Variants in DDC observed in about 807,000 individuals in gnomAD.
DDC encodes the protein aromatic-L-amino-acid decarboxylase.
In DDC, 43 loss-of-function variants were observed where a neutral mutation model predicts 60.0. The ratio of observed to expected loss-of-function variants is 0.72; its 90% CI spans 0.56 to 0.92. The LOEUF is 0.92. Among genes scored for constraint, DDC ranks in the 40% least tolerant of loss-of-function variants. The pLI, the probability that DDC is intolerant of heterozygous loss-of-function variation, is 0.00. For synonymous variants in DDC, 232 were observed against 234.6 expected, an observed-to-expected ratio of 0.99 and a Z score of 0.10; for missense variants, 573 against 620.2, an observed-to-expected ratio of 0.92 and a Z score of 0.81.
Position 50,510,236 on chromosome 7 carries a change from A to T in DDC, c.715-6177T>A, listed in dbSNP as rs554711074. Among the ~76,000 whole-genome samples the T allele has an allele frequency of 4.0e-4, 61 of 152,100 alleles. 1 individual carries two copies. Among genetic ancestry groups the T allele is most frequent in the Admixed American group, 2.3e-3 (35 of 15,282 alleles). Reference sequence around the variant, plus strand: ...ATGATCCGCCCACCTTGGCCTCCCAAAGTGCTGAGATTACAGGTGTGAGCC... The same window carrying T: ...ATGATCCGCCCACCTTGGCCTCCCATAGTGCTGAGATTACAGGTGTGAGCC... On this transcript the variant is annotated intron_variant, in intron 6 of 14. Transcript: ENST00000444124.
At chr7:50,495,711 G>A (rs751664241) in intron 8 of DDC, among the ~76,000 whole-genome samples, 1 of 152,052 alleles carries the variant, frequency 6.6e-6, no homozygotes, top group Non-Finnish European at 1.5e-5. Context: ...AATGGAACAA[G>A]AATTTTAAAA....
At chr7:50,476,998 A>T (rs1264518968) in intron 10 of DDC, among the ~76,000 whole-genome samples, 1 of 152,182 alleles carries the variant, frequency 6.6e-6, no homozygotes, top group Non-Finnish European at 1.5e-5. Context: ...TCATTCATGC[A>T]TGGGAAGGTG....
intron 9 of DDC, among the ~76,000 whole-genome samples, chr7:50,491,946 A>G (rs2043006021): frequency 6.6e-6 from 1 of 152,226 alleles, no homozygotes; most frequent in Non-Finnish European, 1.5e-5. Flanking sequence ...TAAGCTTAGC[A>G]AAATAAAACA....
chr7:50,506,897 C>T (rs1480657448), intron 6 of DDC, among the ~76,000 whole-genome samples: 2 of 152,240 alleles, frequency 1.3e-5, no homozygotes, highest in African/African-American at 2.4e-5. Flanking sequence ...ATCAATAATT[C>T]TCCGCATTTG....
intron 9 of DDC, among the ~76,000 whole-genome samples, chr7:50,493,757 G>A (rs1289562859): frequency 6.6e-6 from 1 of 151,726 alleles, no homozygotes; most frequent in African/African-American, 2.4e-5. Context: ...TGGGGAAAAA[G>A]ACTGACAAAA....
intron 11 of DDC, among the ~76,000 whole-genome samples, chr7:50,476,028 T>A (rs1199731834): frequency 6.6e-6 from 1 of 152,152 alleles, no homozygotes; most frequent in Admixed American, 6.5e-5. Context: ...GCCAGCTCAG[T>A]GGCCACACCT....
intron 1 of DDC, among the ~76,000 whole-genome samples, chr7:50,560,431 C>A (rs2045316139): frequency 6.6e-6 from 1 of 152,292 alleles, no homozygotes; most frequent in African/African-American, 2.4e-5. Flanking sequence ...ATAGAGCTCT[C>A]ATTTATTGAG....
chr7:50,469,617 T>A (rs1188491465), intron 12 of DDC, among the ~76,000 whole-genome samples: 1 of 152,144 alleles, frequency 6.6e-6, no homozygotes, highest in African/African-American at 2.4e-5. Flanking sequence ...ACTTAACAGA[T>A]CTTATAAATA....
At chr7:50,493,094 C>T (rs2043044408) in intron 9 of DDC, 3 of 1,070,374 alleles carry the variant, frequency 2.8e-6, no homozygotes, top group Admixed American at 3.9e-5. Flanking sequence ...TATTTCTGGT[C>T]CCTGACCGCT....
chr7:50,543,637 G>C (rs923565503), intron 2 of DDC, among the ~76,000 whole-genome samples: 9 of 152,210 alleles, frequency 5.9e-5, no homozygotes, highest in Non-Finnish European at 1.2e-4. Context: ...CTGGGGGAAA[G>C]AGCCTCACTG....
At chr7:50,493,262 C>G (rs149858521) in intron 9 of DDC, among the ~76,000 whole-genome samples, 1 of 152,270 alleles carries the variant, frequency 6.6e-6, no homozygotes, top group East Asian at 1.9e-4. Flanking sequence ...TATCACTGTT[C>G]TATCCAGGCA....
chr7:50,555,963 A>G (rs936322353), intron 1 of DDC, among the ~76,000 whole-genome samples: 1 of 152,240 alleles, frequency 6.6e-6, no homozygotes, highest in Non-Finnish European at 1.5e-5. Flanking sequence ...GCATGGCTTA[A>G]GTAACTTCAG....
rs2044163529 is a variant in DDC at position 50,530,297 on chromosome 7, GACATGTGGGTGC to G, written c.436-967_436-956del. 3.9e-5 allele frequency among the ~76,000 whole-genome samples: 6 copies of G among 152,224 alleles called. No individual in the cohort carries two copies. The East Asian group carries it at 9.7e-4, about 25-fold the overall frequency. On this transcript the variant is annotated intron_variant, in intron 4 of 14. Coordinates refer to ENST00000444124, the MANE Select transcript of DDC (RefSeq NM_001082971.2). ...AAAAGAAGGGGAAATGTGGCCCCCA[GACATGTGGGTGC>G]ACAGAGGGAAGACCATGTGAGGACA...
At chr7:50,516,168 A>G (rs1169530399) in intron 6 of DDC, among the ~76,000 whole-genome samples, 2 of 152,236 alleles carry the variant, frequency 1.3e-5, no homozygotes, top group African/African-American at 4.8e-5. Flanking sequence ...GATAGACCAT[A>G]TAATAGGCCA....
chr7:50,536,158 A>G (rs34021747), intron 4 of DDC, among the ~76,000 whole-genome samples: 4 of 152,312 alleles, frequency 2.6e-5, no homozygotes, highest in African/African-American at 9.6e-5. Flanking sequence ...CCCTCTGCCC[A>G]CTGAGATAGC....
intron 2 of DDC, chr7:50,543,320 T>G: frequency 5.8e-6 from 1 of 171,482 alleles, no homozygotes; most frequent in South Asian, 1.4e-4. Context: ...GCCCTGTGAG[T>G]GAGTATCGGA....
In DDC at chr7:50,529,257, A is replaced by G; in HGVS notation, c.521T>C (p.Leu174Pro). Reference sequence around the variant, plus strand: ...CTTCTCCATGATAGCGGCCTGTGTGAGCTCTGGGGACGCTGCCTGCAGCCG... The same window carrying G: ...CTTCTCCATGATAGCGGCCTGTGTGGGCTCTGGGGACGCTGCCTGCAGCCG... ...IHRLQAASPELTQAAIMEKLV... is the reference protein window; with the variant it reads ...IHRLQAASPEPTQAAIMEKLV... Residue 174 changes from leucine (L) to proline (P), a missense_variant, in exon 5 of 15, where the codon CTC (leucine) becomes CCC (proline). Transcript: ENST00000444124. 1 of 1,613,946 alleles carries G rather than the reference A, an allele frequency of 6.2e-7. No individual in the cohort carries two copies. Among genetic ancestry groups the G allele is most frequent in the Non-Finnish European group, 8.5e-7 (1 of 1,180,042 alleles).
intron 9 of DDC, among the ~76,000 whole-genome samples, chr7:50,482,572 AT>A (rs1294105269): frequency 1.3e-5 from 2 of 151,810 alleles, no homozygotes; most frequent in African/African-American, 2.4e-5. Context: ...TCCTCACTAT[AT>A]TTTTTTTCAC....
At chr7:50,489,661 G>A (rs1369507151) in intron 9 of DDC, among the ~76,000 whole-genome samples, 1 of 152,136 alleles carries the variant, frequency 6.6e-6, no homozygotes, top group Non-Finnish European at 1.5e-5. Context: ...TCTAGGCCCA[G>A]GGACTATCAG....
Sources: allele counts gnomAD v4.1 joint callset (sites outside exome capture counted in the v4.1 genomes callset), GRCh38; gene constraint gnomAD v4.1.1; transcripts MANE v1.5; gene names NCBI Gene and HGNC (gene_info 2026-07-23, HGNC 2026-07-21).